The following CMIP variants were observed in gnomAD, a reference collection of about 807,000 sequenced individuals.
CMIP encodes c-Maf inducing protein.
A neutral mutation model predicts 97.3 loss-of-function variants in CMIP; 13 were observed. That is an observed-to-expected ratio of 0.13 (90% CI 0.09 to 0.21). The LOEUF is 0.21. Among genes scored for constraint, CMIP ranks in the 10% least tolerant of loss-of-function variants. The pLI is 1.00. For synonymous variants in CMIP, 538 were observed against 436.3 expected (o/e 1.23, Z -2.91); for missense variants, 847 against 1,024.9 (o/e 0.83, Z 2.37).
intron 1 of CMIP, among the ~76,000 whole-genome samples, chr16:81,537,546 C>CAAAAAAAAA (rs397695977): frequency 2.6e-4 from 21 of 82,082 alleles, no homozygotes; most frequent in Non-Finnish European, 3.0e-4. Flanking sequence ...AAAAAAAAGA[C>CAAAAAAAAA]AAAAAAAAAA....
intron 1 of CMIP, among the ~76,000 whole-genome samples, chr16:81,482,920 G>A (rs1362973864): frequency 7.9e-5 from 12 of 152,246 alleles, no homozygotes; most frequent in Non-Finnish European, 1.6e-4. Flanking sequence ...TTGCTCGTCC[G>A]TTCAGCAGAT....
At chr16:81,574,526 A>C (rs891484093) in intron 1 of CMIP, among the ~76,000 whole-genome samples, 1 of 152,280 alleles carries the variant, frequency 6.6e-6, no homozygotes. Context: ...AAAAGCTGGA[A>C]GGCTGTTGGA....
chr16:81,504,641 C>CAAAAAAAAAAAAAAAAA (rs149715666), intron 1 of CMIP, among the ~76,000 whole-genome samples: 1 of 71,980 alleles, frequency 1.4e-5, no homozygotes, highest in Non-Finnish European at 2.5e-5. Context: ...AGACTCGTCT[C>CAAAAAAAAAAAAAAAAA]AAAAAAAAAA....
At chr16:81,693,391 C>A in intron 12 of CMIP, 48 bp from the exon 13 acceptor site, 1 of 1,593,772 alleles carries the variant, frequency 6.3e-7, no homozygotes, top group South Asian at 1.1e-5. Flanking sequence ...ACACCTCCCA[C>A]TCAGTTCCAG....
chr16:81,515,484 A>G (rs2089894937), intron 1 of CMIP, among the ~76,000 whole-genome samples: 1 of 152,158 alleles, frequency 6.6e-6, no homozygotes, highest in South Asian at 2.1e-4. Context: ...CAGAGAACGC[A>G]CTATTGATTT....
intron 1 of CMIP, among the ~76,000 whole-genome samples, chr16:81,536,472 G>A (rs2090344981): frequency 6.6e-6 from 1 of 152,168 alleles, no homozygotes; most frequent in Non-Finnish European, 1.5e-5. Context: ...AAAAAATGGT[G>A]ATAAGATACA....
chr16:81,535,627 T>G (rs2090328147), intron 1 of CMIP, among the ~76,000 whole-genome samples: 1 of 152,170 alleles, frequency 6.6e-6, no homozygotes, highest in Admixed American at 6.5e-5. Context: ...TTAGTAATAA[T>G]ACAATTATTA....
intron 1 of CMIP, among the ~76,000 whole-genome samples, chr16:81,581,295 C>T (rs1011020322): frequency 2.6e-5 from 4 of 152,100 alleles, no homozygotes; most frequent in Admixed American, 2.0e-4. Flanking sequence ...CCGGGAAGCG[C>T]GTAGTTAGGT....
intron 4 of CMIP, 96 bp from the exon 5 acceptor site, chr16:81,657,679 G>T: frequency 9.9e-7 from 1 of 1,014,958 alleles, no homozygotes; most frequent in Non-Finnish European, 1.5e-6. Flanking sequence ...TGACGCTGAA[G>T]ATGTTTCAAA....
intron 10 of CMIP, among the ~76,000 whole-genome samples, chr16:81,685,104 A>G (rs1202642707): frequency 6.6e-6 from 1 of 151,992 alleles, no homozygotes. Context: ...CACCTCCCCC[A>G]CAACCTCTGT....
Position 81,643,263 on chromosome 16 carries a change from C to G in CMIP, c.478-8940C>G, listed in dbSNP as rs541013437. On this transcript the variant is annotated intron_variant, in intron 3 of 20. Coordinates refer to ENST00000537098, the MANE Select transcript of CMIP (RefSeq NM_198390.3). ...AAGCTGCTGAATGCAGATTCCCAGG[C>G]CTCACTGTGGTCACAAAAGGACACA... Among the ~76,000 whole-genome samples the G allele has an allele frequency of 1.1e-3, 173 of 152,338 alleles. 1 individual carries two copies. Among genetic ancestry groups the G allele is most frequent in the Non-Finnish European group, 2.1e-3 (146 of 68,026 alleles).
intron 9 of CMIP, among the ~76,000 whole-genome samples, chr16:81,674,127 G>C (rs1451748882): frequency 6.6e-6 from 1 of 152,128 alleles, no homozygotes; most frequent in Admixed American, 6.6e-5. Context: ...TGTTCAAAGG[G>C]GATCATGTCC....
At chr16:81,522,212 G>C (rs760675545) in intron 1 of CMIP, among the ~76,000 whole-genome samples, 14 of 152,200 alleles carry the variant, frequency 9.2e-5, no homozygotes, top group Non-Finnish European at 1.8e-4. Context: ...TCCCATTGGC[G>C]ATCGATGATG....
chr16:81,614,790 T>C lies in CMIP; in HGVS notation c.427-6086T>C, dbSNP rs889698172. 6.6e-6 allele frequency among the ~76,000 whole-genome samples: 1 copy of C among 151,616 alleles called. No individual in the cohort carries two copies. The highest frequency in any genetic ancestry group is 2.4e-5 in the African/African-American group (1 of 41,210). On this transcript the variant is annotated intron_variant, in intron 2 of 20. Coordinates refer to ENST00000537098, the MANE Select transcript of CMIP (RefSeq NM_198390.3). The surrounding 1 kb of genome is among the most constrained non-coding windows in gnomAD (Gnocchi z 5.3). ...GGTGTGTGTGGTATGTGTGCATGTGTGTGCCTGATATGTGTGTTTATATGT... is the reference window on the plus strand; with the variant it reads ...GGTGTGTGTGGTATGTGTGCATGTGCGTGCCTGATATGTGTGTTTATATGT...
intron 3 of CMIP, among the ~76,000 whole-genome samples, chr16:81,633,490 C>T (rs945860937): frequency 3.9e-5 from 6 of 152,210 alleles, no homozygotes; most frequent in South Asian, 4.1e-4. Flanking sequence ...AAATACCCAG[C>T]GGGACAGCCG....
rs1373813031 is a variant in CMIP at position 81,445,331 on chromosome 16, C to T, written c.90C>T (p.Pro30=). 3 of 1,592,036 alleles carry T rather than the reference C, an allele frequency of 1.9e-6. No individual in the cohort carries two copies. The highest frequency in any genetic ancestry group is 1.7e-6 in the Non-Finnish European group (2 of 1,170,252). ...KPLLGGDVSA[P]EGTKMGAVPC... The stretch of plus-strand genomic sequence containing the variant: ...TGCTGGGGGGCGACGTGTCGGCCCC[C>T]GAAGGCACGAAGATGGGCGCCGTGC... Residue 30 remains proline (P), a synonymous_variant, in exon 1 of 21, where the codon CCC becomes CCT. Transcript: ENST00000537098.
rs1449839778 is a variant in CMIP, at chr16:81,711,030, A to AC, written c.*1237dup. 1.4e-5 allele frequency: 1 copy of AC among 70,076 alleles called. No individual in the cohort carries two copies. Among genetic ancestry groups the AC allele is most frequent in the Non-Finnish European group, 3.0e-5 (1 of 33,026 alleles). 4.3% of individuals were successfully genotyped at this position (70,076 alleles called of 1,614,324 possible). On this transcript the variant is annotated 3_prime_UTR_variant, in exon 21 of 21. Transcript: ENST00000537098. ...CTGCCCTCCCCACCCCACCCCCGCC[A>AC]CCCCCCACATGTGACCACTGCAACG...
At position 81,678,404 on chromosome 16, in the gene CMIP, T is replaced by C. The variant is rs548068264; in HGVS notation, c.1164T>C (p.Ser388=). The C allele has an allele frequency of 1.2e-6, 2 of 1,604,940 alleles. No individual in the cohort carries two copies. The highest frequency in any genetic ancestry group is 1.3e-5 in the African/African-American group (1 of 74,738). ...TGGTGTCTCAGGAAGCCACGCTGTC[T>C]GAGGCCCGGCTCAAGTCGGTGGTCG... ...PDLVSQEATL[S]EARLKSVVVA... is the part of the protein sequence containing the mutation. Residue 388 remains serine, a synonymous_variant, in exon 10 of 21, where the codon TCT becomes TCC. Transcript: ENST00000537098.
At chr16:81,476,066 G>T in intron 1 of CMIP, 2 of 736,812 alleles carry the variant, frequency 2.7e-6, no homozygotes, top group East Asian at 2.6e-5. Context: ...CTTCTTGCTG[G>T]TCTTGCCATT....
Sources: gnomAD v4.1 joint callset for allele counts (sites outside exome capture counted in the v4.1 genomes callset) on GRCh38, gnomAD v4.1.1 for gene constraint, Gnocchi (gnomAD v3.1) non-coding constraint, MANE v1.5 for transcripts, NCBI Gene and HGNC (gene_info 2026-07-23, HGNC 2026-07-21) for gene names.